RRM2B: variants seen among roughly 807,000 people sequenced by gnomAD.
The protein encoded by RRM2B is ribonucleotide reductase regulatory TP53 inducible subunit M2B.
RRM2B carries 20 observed loss-of-function variants against 45.9 expected under a neutral mutation model. The observed-to-expected ratio is 0.44, with a 90% CI of 0.31 to 0.63. The LOEUF (loss-of-function observed/expected upper bound fraction) is 0.63, where lower values mean the gene tolerates loss of function less well. RRM2B is among the 30% of genes least tolerant of loss of function. The pLI is 0.09. For missense variants in RRM2B, 320 were observed against 414.7 expected (o/e 0.77, Z 1.98); for synonymous variants, 124 against 132.3 (o/e 0.94, Z 0.43).
At chr8:102,214,346 T>A (rs1810688855) in intron 6 of RRM2B, 188 bp from the exon 7 acceptor site, 1 of 605,470 alleles carries the variant, frequency 1.7e-6, no homozygotes, top group Admixed American at 2.7e-5. Context: ...CAATAACCTA[T>A]AATAAAAATT....
intron 8 of RRM2B, among the ~76,000 whole-genome samples, chr8:102,211,012 G>A (rs868054857): frequency 6.6e-6 from 1 of 151,880 alleles, no homozygotes; most frequent in Non-Finnish European, 1.5e-5. Context: ...TGCAGAGAGA[G>A]AGAGAGAGAG....
At chr8:102,215,621 G>A (rs28928601) in intron 6 of RRM2B, among the ~76,000 whole-genome samples, 1 of 152,112 alleles carries the variant, frequency 6.6e-6, no homozygotes, top group Non-Finnish European at 1.5e-5. Flanking sequence ...CAGAGGTCAA[G>A]TACCTAAATG....
intron 6 of RRM2B, among the ~76,000 whole-genome samples, chr8:102,215,045 T>TAAAAAAAAAAAA (rs3063793): frequency 1.9e-4 from 12 of 61,762 alleles, no homozygotes; most frequent in Admixed American, 5.9e-4. Context: ...AGCTAAATAT[T>TAAAAAAAAAAAA]AAAAAAAAAA....
At chr8:102,234,227 G>A (rs1486765509) in intron 1 of RRM2B, among the ~76,000 whole-genome samples, 2 of 152,186 alleles carry the variant, frequency 1.3e-5, no homozygotes, top group Admixed American at 1.3e-4. Flanking sequence ...ATCTGCTGAA[G>A]ACTAGTACCT....
At chr8:102,224,792 T>TTC in intron 4 of RRM2B, 93 bp downstream of exon 4, 2 of 1,257,898 alleles carry the variant, frequency 1.6e-6, no homozygotes, top group Non-Finnish European at 2.3e-6. Flanking sequence ...CATACTTGAA[T>TTC]AATCTTTCCT....
chr8:102,219,519 C>CA (rs1380522680), intron 5 of RRM2B, among the ~76,000 whole-genome samples: 1 of 152,068 alleles, frequency 6.6e-6, no homozygotes, highest in East Asian at 1.9e-4. Context: ...ATAACATAAG[C>CA]AAAAATACTG....
intron 5 of RRM2B, 115 bp downstream of exon 5, chr8:102,223,931 A>G: frequency 2.5e-6 from 2 of 801,238 alleles, no homozygotes; most frequent in Middle Eastern, 2.5e-4. Flanking sequence ...CATTTGAGAC[A>G]TTTGTACTCC....
chr8:102,227,127 T>C (rs1810945351), intron 2 of RRM2B, among the ~76,000 whole-genome samples: 1 of 151,100 alleles, frequency 6.6e-6, no homozygotes, highest in African/African-American at 2.4e-5. Flanking sequence ...GGATTACAGG[T>C]GTGAGCCATC....
At chr8:102,214,929 G>C (rs1241779659) in intron 6 of RRM2B, among the ~76,000 whole-genome samples, 1 of 149,542 alleles carries the variant, frequency 6.7e-6, no homozygotes, top group East Asian at 1.9e-4. Context: ...TGAAATACCC[G>C]AGTATGGTTA....
intron 1 of RRM2B, among the ~76,000 whole-genome samples, chr8:102,233,179 T>C (rs1384051693): frequency 6.6e-6 from 1 of 152,226 alleles, no homozygotes; most frequent in Non-Finnish European, 1.5e-5. Context: ...CTCTCTCTAC[T>C]GTGACAGGCC....
chr8:102,235,395 C>A (rs1266459636), intron 1 of RRM2B, among the ~76,000 whole-genome samples: 1 of 152,154 alleles, frequency 6.6e-6, no homozygotes, highest in Non-Finnish European at 1.5e-5. Flanking sequence ...TGCTCAGTAC[C>A]TGGAGAATAA....
intron 2 of RRM2B, 102 bp downstream of exon 2, chr8:102,232,047 G>T: frequency 9.5e-7 from 1 of 1,057,424 alleles, no homozygotes. Flanking sequence ...TTCTACAACT[G>T]ATCTTCTTCA....
At chr8:102,231,248 C>A (rs1276068796) in intron 2 of RRM2B, among the ~76,000 whole-genome samples, 1 of 152,142 alleles carries the variant, frequency 6.6e-6, no homozygotes, top group Non-Finnish European at 1.5e-5. Context: ...CAACTGATCT[C>A]CCAGGTGGAA....
At chr8:102,211,873 C>T (rs1810641623) in intron 8 of RRM2B, among the ~76,000 whole-genome samples, 1 of 152,114 alleles carries the variant, frequency 6.6e-6, no homozygotes, top group Admixed American at 6.5e-5. Flanking sequence ...GGGTGGTTAT[C>T]AGAATATAAT....
rs2132554367 is a variant in RRM2B at position 102,224,088 on chromosome 8, C to G, written c.508G>C (p.Asp170His). The G allele has an allele frequency of 1.2e-6, 2 of 1,613,824 alleles. No individual in the cohort carries two copies. Among genetic ancestry groups the G allele is most frequent in the African/African-American group, 1.3e-5 (1 of 75,044 alleles). Reference protein sequence around the residue: ...ETMPYVKKKADWALRWIADRK... With the variant: ...ETMPYVKKKAHWALRWIADRK... ...TCTGCTATCCATCGCAAGGCCCAAT[C>G]TGCTTTTTTCTTAACATAGGGCATG... The change falls in exon 5 of 9, where the codon GAT (aspartate) becomes CAT (histidine). Residue 170 changes from aspartate to histidine, a missense_variant. By Grantham distance (81) the Asp-to-His change is moderately conservative. Transcript: ENST00000251810.
intron 6 of RRM2B, 124 bp from the exon 7 acceptor site, chr8:102,214,282 A>C: frequency 1.4e-6 from 1 of 704,118 alleles, no homozygotes; most frequent in Non-Finnish European, 2.6e-6. Flanking sequence ...AAAATGGAAG[A>C]GGGGTTAATA....
intron 5 of RRM2B, among the ~76,000 whole-genome samples, chr8:102,219,753 T>C (rs770406287): frequency 9.2e-5 from 14 of 152,092 alleles, no homozygotes; most frequent in Non-Finnish European, 1.9e-4. Flanking sequence ...AGGAAAAAGG[T>C]TTGGTCTATA....
At chr8:102,217,901 T>A (rs1330603882) in intron 6 of RRM2B, among the ~76,000 whole-genome samples, 7 of 151,718 alleles carry the variant, frequency 4.6e-5, no homozygotes, top group Non-Finnish European at 1.0e-4. Flanking sequence ...AGACCAGGCT[T>A]ACTTACTGAT....
At chr8:102,231,234 T>C (rs1211561201) in intron 2 of RRM2B, among the ~76,000 whole-genome samples, 1 of 152,228 alleles carries the variant, frequency 6.6e-6, no homozygotes, top group African/African-American at 2.4e-5. Flanking sequence ...TAGTTTGCTG[T>C]GTTCAACTGA....
Sources: gnomAD v4.1 joint callset for allele counts (sites outside exome capture counted in the v4.1 genomes callset) on GRCh38, gnomAD v4.1.1 for gene constraint, MANE v1.5 for transcripts, NCBI Gene and HGNC (gene_info 2026-07-23, HGNC 2026-07-21) for gene names.